SLMAP: variants seen among roughly 807,000 people sequenced by gnomAD.
SLMAP encodes sarcolemmal membrane-associated protein.
A neutral mutation model predicts 128.8 loss-of-function variants in SLMAP; 44 were observed. The ratio of observed to expected loss-of-function variants is 0.34; its 90% CI spans 0.27 to 0.44. The LOEUF is 0.44. Ranked by LOEUF, SLMAP falls within the 20% of genes least tolerant of loss-of-function variation. The probability of loss-of-function intolerance (pLI) is 1.00; values close to 1 mark genes in which losing one functional copy is unlikely to be tolerated. For synonymous variants in SLMAP, 327 were observed against 348.8 expected, an observed-to-expected ratio of 0.94 and a Z score of 0.70; for missense variants, 787 against 985.3, an observed-to-expected ratio of 0.80 and a Z score of 2.69.
chr3:57,785,540 T>C (rs1340725706), intron 2 of SLMAP, among the ~76,000 whole-genome samples: 1 of 152,230 alleles, frequency 6.6e-6, no homozygotes, highest in Non-Finnish European at 1.5e-5. Flanking sequence ...AATTTTGTAA[T>C]GTTTTGATTC....
chr3:57,896,989 A>C, intron 17 of SLMAP, 57 bp downstream of exon 17: 2 of 1,608,616 alleles, frequency 1.2e-6, no homozygotes, highest in African/African-American at 1.3e-5. Context: ...ACCCTTTGCC[A>C]TAAAATCTGT....
At chr3:57,765,291 A>G (rs372281878) in intron 2 of SLMAP, among the ~76,000 whole-genome samples, 3 of 152,116 alleles carry the variant, frequency 2.0e-5, no homozygotes, top group East Asian at 1.9e-4. Flanking sequence ...AGCCCCACCT[A>G]TTTGGGAGGA....
At chr3:57,877,502 G>A (rs1438428283) in intron 14 of SLMAP, among the ~76,000 whole-genome samples, 5 of 152,106 alleles carry the variant, frequency 3.3e-5, no homozygotes, top group East Asian at 1.9e-4. Context: ...TTCCCTGCTC[G>A]TAATATGTTA....
At chr3:57,827,490 A>C (rs141616921) in intron 2 of SLMAP, among the ~76,000 whole-genome samples, 31 of 152,346 alleles carry the variant, frequency 2.0e-4, no homozygotes, top group Non-Finnish European at 4.0e-4. Context: ...CAATTCAAGG[A>C]TCACCATCAA....
chr3:57,873,334 C>T (rs1011164188), intron 14 of SLMAP, among the ~76,000 whole-genome samples: 7 of 151,984 alleles, frequency 4.6e-5, no homozygotes, highest in African/African-American at 1.5e-4. Flanking sequence ...GAAACCCCAT[C>T]TCTACTAATA....
intron 6 of SLMAP, among the ~76,000 whole-genome samples, chr3:57,855,409 G>A (rs777838819): frequency 6.6e-5 from 10 of 151,828 alleles, no homozygotes; most frequent in Non-Finnish European, 1.3e-4. Flanking sequence ...GAAAAAGATA[G>A]AAAATGATAT....
intron 2 of SLMAP, among the ~76,000 whole-genome samples, chr3:57,762,517 A>C (rs981451531): frequency 6.6e-6 from 1 of 152,184 alleles, no homozygotes; most frequent in Non-Finnish European, 1.5e-5. Context: ...GGAATATCTT[A>C]TTGTATAATA....
At chr3:57,829,474 A>T (rs1008832999) in intron 2 of SLMAP, among the ~76,000 whole-genome samples, 4 of 139,508 alleles carry the variant, frequency 2.9e-5, no homozygotes, top group Non-Finnish European at 3.3e-5. Flanking sequence ...TATATTTATT[A>T]AAAAAAAAAC....
At chr3:57,796,269 T>C (rs984215699) in intron 2 of SLMAP, among the ~76,000 whole-genome samples, 3 of 152,254 alleles carry the variant, frequency 2.0e-5, no homozygotes, top group African/African-American at 7.2e-5. Flanking sequence ...TAGAGTCTTC[T>C]GGGATGTTTA....
intron 2 of SLMAP, among the ~76,000 whole-genome samples, chr3:57,779,555 A>C (rs1459348236): frequency 1.3e-5 from 2 of 151,760 alleles, no homozygotes; most frequent in Admixed American, 1.3e-4. Flanking sequence ...AAAAATCACC[A>C]TACGTACTGA....
At position 57,776,052 on chromosome 3, in the gene SLMAP, T is replaced by C. The variant is rs563140144; in HGVS notation, c.198+18203T>C. Among the ~76,000 whole-genome samples the C allele has an allele frequency of 3.5e-4, 53 of 152,338 alleles. No homozygotes were observed. In the South Asian group the frequency reaches 0.01, roughly 29 times the overall value. On this transcript the variant is annotated intron_variant, in intron 2 of 24. Coordinates refer to ENST00000671191, the MANE Select transcript of SLMAP (RefSeq NM_001377540.1). ...ATAGATTTGTGGAAAAGGATACTCA[T>C]TCTCCCTTCTGGAATCAATGCCATA...
chr3:57,775,171 C>T lies in SLMAP; in HGVS notation c.198+17322C>T, dbSNP rs558235552. ...CTGGGTTCACGCCATTTTCCTGCCT[C>T]AGCCCCCGAGTAGCTGGGACTACAG... On this transcript the variant is annotated intron_variant, in intron 2 of 24. Coordinates refer to ENST00000671191, the MANE Select transcript of SLMAP (RefSeq NM_001377540.1). 3.5e-4 allele frequency among the ~76,000 whole-genome samples: 30 copies of T among 86,482 alleles called. No individual in the cohort carries two copies. The East Asian group carries it at 0.15, about 435-fold the overall frequency. 56.7% of individuals were successfully genotyped at this position (86,482 alleles called of 152,430 possible).
intron 2 of SLMAP, among the ~76,000 whole-genome samples, chr3:57,814,945 C>T (rs890673640): frequency 6.6e-6 from 1 of 152,130 alleles, no homozygotes; most frequent in Non-Finnish European, 1.5e-5. Flanking sequence ...CTGTGATTGC[C>T]TACTGTACTC....
intron 14 of SLMAP, among the ~76,000 whole-genome samples, chr3:57,884,012 G>A (rs2095814754): frequency 2.0e-5 from 3 of 147,432 alleles, no homozygotes; most frequent in Non-Finnish European, 3.0e-5. Flanking sequence ...GCTCACTGCA[G>A]CCACAACCTC....
chr3:57,794,636 G>T (rs2086298498), intron 2 of SLMAP, among the ~76,000 whole-genome samples: 1 of 151,988 alleles, frequency 6.6e-6, no homozygotes. Flanking sequence ...TCTGCTTTCT[G>T]TCTCTCTAGA....
chr3:57,771,177 C>CCCTCCCCTCCCCTCT (rs1386521527), intron 2 of SLMAP, among the ~76,000 whole-genome samples: 1 of 88,528 alleles, frequency 1.1e-5, no homozygotes, highest in African/African-American at 4.9e-5. Flanking sequence ...CCCTCCCCTC[C>CCCTCCCCTCCCCTCT]CCTCTCCTCT....
chr3:57,795,742 A>G (rs548557964), intron 2 of SLMAP, among the ~76,000 whole-genome samples: 1 of 152,116 alleles, frequency 6.6e-6, no homozygotes, highest in African/African-American at 2.4e-5. Context: ...AAGTACATTC[A>G]CAGTGTTGTG....
intron 17 of SLMAP, among the ~76,000 whole-genome samples, chr3:57,904,710 C>T (rs983188774): frequency 6.6e-6 from 1 of 152,018 alleles, no homozygotes; most frequent in Non-Finnish European, 1.5e-5. Flanking sequence ...GAGTTTATCT[C>T]CCAGGGGACA....
intron 3 of SLMAP, among the ~76,000 whole-genome samples, chr3:57,839,434 AT>A (rs1189313640): frequency 4.5e-3 from 372 of 82,870 alleles, no homozygotes; most frequent in African/African-American, 0.014. Context: ...CATTAGCTCT[AT>A]TTTTTTTTTT....
Sources: gnomAD v4.1 joint callset for allele counts (sites outside exome capture counted in the v4.1 genomes callset) on GRCh38, gnomAD v4.1.1 for gene constraint, MANE v1.5 for transcripts, NCBI Gene and HGNC (gene_info 2026-07-23, HGNC 2026-07-21) for gene names.